The following CHPT1 variants were observed in gnomAD, a reference collection of about 807,000 sequenced individuals.
CHPT1 encodes the protein choline phosphotransferase 1.
CHPT1 carries 36 observed loss-of-function variants against 47.6 expected under a neutral mutation model. The observed-to-expected ratio is 0.76, with a 90% confidence interval of 0.58 to 1.00. CHPT1 has a LOEUF of 1.00. Ranked by LOEUF, CHPT1 falls within the 50% of genes least tolerant of loss-of-function variation. CHPT1 has a pLI of 0.00. For synonymous variants in CHPT1, 194 were observed against 186.3 expected (o/e 1.04, Z -0.33); for missense variants, 458 against 498.1 (o/e 0.92, Z 0.77).
intron 4 of CHPT1, 23 bp from the exon 5 acceptor site, chr12:101,720,100 G>A: frequency 6.5e-7 from 1 of 1,545,808 alleles, no homozygotes; most frequent in Non-Finnish European, 8.7e-7. Flanking sequence ...TGTCTTAATT[G>A]TTTCTTTCTT....
intron 8 of CHPT1, chr12:101,728,337 A>G (rs1375382798): frequency 6.6e-6 from 1 of 152,336 alleles, no homozygotes; most frequent in East Asian, 1.9e-4. Flanking sequence ...TTGCAGACCA[A>G]GCCCAATGAA....
rs1306922800 is a variant in CHPT1, at chr12:101,697,819, C to G, written c.-43C>G. 2.5e-6 allele frequency: 2 copies of G among 804,588 alleles called. No homozygotes were observed. Among genetic ancestry groups the G allele is most frequent in the Admixed American group, 5.7e-5 (1 of 17,546 alleles). The allele number at this position is 804,588 out of a possible 1,614,324, so 49.8% of individuals were successfully genotyped here. A position where few individuals can be genotyped will look rare whatever the true frequency, so the allele number is the denominator to read the frequency against. On this transcript the variant is annotated 5_prime_UTR_variant, in exon 1 of 9. Transcript: ENST00000229266. ...ACCTCTCCCTGCCCCCAGCGCCAGG[C>G]GCGGGCTGCGCTCGGTGGCGGCGGC... is the stretch of plus-strand genomic sequence containing the variant.
intron 4 of CHPT1, chr12:101,717,115 T>A (rs1951775625): frequency 5.2e-6 from 2 of 386,188 alleles, no homozygotes; most frequent in South Asian, 2.2e-5. Context: ...TTGGAATAAC[T>A]TTTTCCAGGG....
chr12:101,715,121 T>C (rs1263678394), intron 3 of CHPT1: 1 of 152,574 alleles, frequency 6.6e-6, no homozygotes, highest in Non-Finnish European at 1.5e-5. Context: ...GGTGAGATAA[T>C]GTAAAAGCAC....
intron 1 of CHPT1, among the ~76,000 whole-genome samples, chr12:101,702,888 G>A (rs1310254438): frequency 1.3e-5 from 2 of 152,108 alleles, no homozygotes; most frequent in African/African-American, 4.8e-5. Flanking sequence ...GGCCTTTGCA[G>A]GACTGTGAGA....
At chr12:101,726,178 T>G in intron 7 of CHPT1, 116 bp from the exon 8 acceptor site, 1 of 678,270 alleles carries the variant, frequency 1.5e-6, no homozygotes. Context: ...TAAAATGTAG[T>G]ATTTTTGGTG....
intron 7 of CHPT1, 119 bp from the exon 8 acceptor site, chr12:101,726,175 T>C (rs1265812377): frequency 1.5e-6 from 1 of 662,554 alleles, no homozygotes; most frequent in Non-Finnish European, 2.6e-6. Context: ...CTTTAAAATG[T>C]AGTATTTTTG....
chr12:101,699,656 G>C (rs368044351), intron 1 of CHPT1, among the ~76,000 whole-genome samples: 9 of 152,208 alleles, frequency 5.9e-5, no homozygotes, highest in East Asian at 1.9e-4. Context: ...CCAAAGTGCT[G>C]GTATTTACAG....
At chr12:101,706,402 G>A (rs1951633510) in intron 1 of CHPT1, among the ~76,000 whole-genome samples, 1 of 151,734 alleles carries the variant, frequency 6.6e-6, no homozygotes. Flanking sequence ...GCCCATGAGA[G>A]GATCACATTC....
At chr12:101,712,106 G>A (rs1264688479) in intron 1 of CHPT1, among the ~76,000 whole-genome samples, 1 of 148,342 alleles carries the variant, frequency 6.7e-6, no homozygotes, top group Non-Finnish European at 1.5e-5. Context: ...CTGCACCCTC[G>A]ACTTCCCCAG....
chr12:101,725,816 T>C (rs1175533807), intron 7 of CHPT1, among the ~76,000 whole-genome samples: 2 of 152,170 alleles, frequency 1.3e-5, no homozygotes, highest in African/African-American at 4.8e-5. Context: ...AGTTTCTAAA[T>C]AGAGGCCATC....
intron 1 of CHPT1, among the ~76,000 whole-genome samples, chr12:101,706,352 GAA>G (rs61196574): frequency 7.2e-5 from 10 of 137,968 alleles, no homozygotes; most frequent in Non-Finnish European, 7.9e-5. Flanking sequence ...TCTGTCTCAA[GAA>G]AAAAAAAAAA....
At chr12:101,726,505 T>C (rs1406244144) in intron 8 of CHPT1, 101 bp downstream of exon 8, 32 of 1,479,500 alleles carry the variant, frequency 2.2e-5, no homozygotes, top group Non-Finnish European at 2.6e-5. Context: ...GAGGCTAGTA[T>C]ACCATCAATA....
chr12:101,704,412 T>C (rs898696426), intron 1 of CHPT1, among the ~76,000 whole-genome samples: 2 of 151,650 alleles, frequency 1.3e-5, no homozygotes, highest in East Asian at 1.9e-4. Context: ...TTCTTTTTTT[T>C]TTTTTTGAGA....
At chr12:101,699,457 G>C (rs10778141) in intron 1 of CHPT1, among the ~76,000 whole-genome samples, 6 of 149,470 alleles carry the variant, frequency 4.0e-5, no homozygotes, top group Admixed American at 1.3e-4. Flanking sequence ...TGGTGATCTC[G>C]GCTCACTGCA....
chr12:101,711,822 GA>G (rs1301511527), intron 1 of CHPT1, among the ~76,000 whole-genome samples: 2 of 148,400 alleles, frequency 1.3e-5, no homozygotes, highest in Non-Finnish European at 3.0e-5. Context: ...TTACTAGTTT[GA>G]AAAGAATTTA....
intron 4 of CHPT1, among the ~76,000 whole-genome samples, chr12:101,718,567 G>A (rs1452402062): frequency 1.3e-5 from 2 of 151,726 alleles, no homozygotes; most frequent in African/African-American, 4.8e-5. Flanking sequence ...GGCTGAGGCA[G>A]GAGGGTCAAC....
At chr12:101,704,404 CT>C (rs762770896) in intron 1 of CHPT1, among the ~76,000 whole-genome samples, 130 of 140,010 alleles carry the variant, frequency 9.3e-4, no homozygotes, top group Non-Finnish European at 9.9e-4. Context: ...TGCTATTTTT[CT>C]TTTTTTTTTT....
chr12:101,704,019 TC>T (rs1399736310), intron 1 of CHPT1, among the ~76,000 whole-genome samples: 1 of 152,198 alleles, frequency 6.6e-6, no homozygotes, highest in Middle Eastern at 3.2e-3. Flanking sequence ...TGTCCTTTCT[TC>T]CTATGTCTTA....
Sources: gnomAD v4.1 joint callset for allele counts (sites outside exome capture counted in the v4.1 genomes callset) on GRCh38, gnomAD v4.1.1 for gene constraint, MANE v1.5 for transcripts, NCBI Gene and HGNC (gene_info 2026-07-23, HGNC 2026-07-21) for gene names.